The following UNC45B variants were observed in gnomAD, a reference collection of about 807,000 sequenced individuals.
The protein encoded by UNC45B is protein unc-45 homolog B.
Under a neutral mutation model 98.7 loss-of-function variants are expected in UNC45B, and 78 were observed. The observed-to-expected ratio is 0.79, with a 90% confidence interval of 0.66 to 0.95. The LOEUF (loss-of-function observed/expected upper bound fraction) is 0.95. Among genes scored for constraint, UNC45B ranks in the 40% least tolerant of loss-of-function variants. UNC45B has a pLI of 0.00. For missense variants in UNC45B, 1,225 were observed against 1,184.9 expected (o/e 1.03, Z -0.50); for synonymous variants, 462 against 480.4 (o/e 0.96, Z 0.50).
chr17:35,166,137 A>T (rs571117905), intron 9 of UNC45B, among the ~76,000 whole-genome samples: 2 of 147,544 alleles, frequency 1.4e-5, no homozygotes, highest in South Asian at 4.4e-4. Flanking sequence ...GTGTGGTGGC[A>T]CACCCCTGTA....
chr17:35,182,640 G>A (rs1182680270), intron 18 of UNC45B, among the ~76,000 whole-genome samples: 5 of 152,088 alleles, frequency 3.3e-5, no homozygotes, highest in African/African-American at 4.8e-5. Flanking sequence ...CCATGAGAGG[G>A]GGCCATGCTG....
rs2092315936 is a variant in UNC45B, at chr17:35,188,438, T to A, written c.*1879T>A. The A allele has an allele frequency of 6.6e-6, 1 of 151,508 alleles. No homozygotes were observed. The highest frequency in any genetic ancestry group is 1.9e-4 in the East Asian group (1 of 5,162). 9.4% of individuals were successfully genotyped at this position (151,508 alleles called of 1,614,324 possible). On this transcript the variant is annotated 3_prime_UTR_variant, in exon 20 of 20. Transcript: ENST00000394570. ...CCAGTGGCGTTCAGGGCCAGTTAGA[T>A]AAAGTTCATCTTGTTTGGATTGGAG... is the stretch of plus-strand genomic sequence containing the variant.
chr17:35,171,515 A>G, intron 13 of UNC45B, 53 bp downstream of exon 13: 2 of 1,586,010 alleles, frequency 1.3e-6, no homozygotes, highest in Admixed American at 1.8e-5. Context: ...TAGGCCTCCA[A>G]AGGAGGCGGA....
At chr17:35,154,836 G>T in intron 6 of UNC45B, 95 bp downstream of exon 6, 1 of 1,349,690 alleles carries the variant, frequency 7.4e-7, no homozygotes, top group South Asian at 1.7e-5. Context: ...GGCATCAATG[G>T]AACCAGATAA....
chr17:35,153,100 G>A (rs893753644), intron 5 of UNC45B, 118 bp downstream of exon 5: 8 of 821,774 alleles, frequency 9.7e-6, no homozygotes, highest in Non-Finnish European at 1.4e-5. Flanking sequence ...AAGGAAAATT[G>A]GCCAAAGGTT....
chr17:35,163,889 C>A, intron 8 of UNC45B, 106 bp from the exon 9 acceptor site: 1 of 1,276,536 alleles, frequency 7.8e-7, no homozygotes, highest in Non-Finnish European at 1.1e-6. Flanking sequence ...ATGTTTTCTA[C>A]AGACAGGGCT....
chr17:35,170,529 T>TA lies in UNC45B; in HGVS notation c.1689+299dup, dbSNP rs35208483. On this transcript the variant is annotated intron_variant, in intron 12 of 19. Transcript: ENST00000394570. ...GAGGTCTTGAAGGACCTGAGGCAGCTAAAAAAAAAAAAAAAAAAAAAAAAA... is the reference window on the plus strand; with the variant it reads ...GAGGTCTTGAAGGACCTGAGGCAGCTAAAAAAAAAAAAAAAAAAAAAAAAAA... Among the ~76,000 whole-genome samples, 143 of 70,076 alleles carry TA rather than the reference T, an allele frequency of 2.0e-3. 3 individuals are homozygous for TA. Among genetic ancestry groups the TA allele is most frequent in the South Asian group, 0.013 (21 of 1,654 alleles). 46.0% of individuals were successfully genotyped at this position (70,076 alleles called of 152,430 possible).
At chr17:35,159,792 A>G (rs1035505081) in intron 8 of UNC45B, among the ~76,000 whole-genome samples, 1 of 152,230 alleles carries the variant, frequency 6.6e-6, no homozygotes, top group Admixed American at 6.5e-5. Context: ...GGGTGAAGCA[A>G]CCTAGCAAAT....
chr17:35,159,684 C>T, intron 8 of UNC45B, 139 bp downstream of exon 8: 2 of 943,768 alleles, frequency 2.1e-6, no homozygotes, highest in African/African-American at 1.7e-5. Flanking sequence ...ATTGGCCCAT[C>T]AGGATCCACC....
intron 7 of UNC45B, 31 bp downstream of exon 7, chr17:35,155,495 G>A (rs746188173): frequency 6.2e-7 from 1 of 1,608,596 alleles, no homozygotes; most frequent in Non-Finnish European, 8.5e-7. Context: ...TTGATTCAAG[G>A]GGATGGGGAA....
chr17:35,181,919 A>T (rs576186365), intron 18 of UNC45B, among the ~76,000 whole-genome samples: 3 of 151,680 alleles, frequency 2.0e-5, no homozygotes, highest in Admixed American at 1.3e-4. Flanking sequence ...GTCCAAGGAG[A>T]TGGGCGGGGA....
At chr17:35,154,842 G>C in intron 6 of UNC45B, 101 bp downstream of exon 6, 1 of 1,311,688 alleles carries the variant, frequency 7.6e-7, no homozygotes, top group African/African-American at 1.5e-5. Context: ...AATGGAACCA[G>C]ATAAAAAGTC....
In UNC45B at chr17:35,186,295, C is replaced by G. The variant is rs773420957; in HGVS notation, c.2530-4C>G. 1.2e-6 allele frequency: 2 copies of G among 1,613,210 alleles called. No homozygotes were observed. Among genetic ancestry groups the G allele is most frequent in the African/African-American group, 2.7e-5 (2 of 74,888 alleles). ...ACCTTCCTTACCTTTTTCCCTGCCT[C>G]CAGACAACCCAGTGGTTGGAGATCC... On this transcript the variant is annotated splice_region_variant and splice_polypyrimidine_tract_variant and intron_variant, in intron 19 of 19. Transcript: ENST00000394570.
At chr17:35,177,720 A>C in intron 17 of UNC45B, 110 bp downstream of exon 17, 1 of 833,166 alleles carries the variant, frequency 1.2e-6, no homozygotes. Flanking sequence ...ACACAAAGGC[A>C]AGGGGTGGGA....
At chr17:35,152,494 T>A (rs1480865293) in intron 4 of UNC45B, among the ~76,000 whole-genome samples, 1 of 152,198 alleles carries the variant, frequency 6.6e-6, no homozygotes, top group Non-Finnish European at 1.5e-5. Context: ...ACATTTCAAG[T>A]GTGTTAAAAA....
chr17:35,164,165 A>G lies in UNC45B; in HGVS notation c.1150A>G (p.Thr384Ala), dbSNP rs2142554565. ...CCGCAAGATCTGTGAGGAATATATC[A>G]CGTAAGTTTCCTGGAGGCCTCACAG... ...HFRKICEEYI[T>A]GKFDPQDMDK... is the part of the protein sequence containing the mutation. The change falls in exon 9 of 20, where the codon ACG becomes GCG. Residue 384 changes from threonine (T) to alanine (A), a missense_variant and splice_region_variant. By Grantham distance (58) the Thr-to-Ala change is moderately conservative. Transcript: ENST00000394570. 1 of 1,606,664 alleles carries G rather than the reference A, an allele frequency of 6.2e-7. No homozygotes were observed. The highest frequency in any genetic ancestry group is 8.5e-7 in the Non-Finnish European group (1 of 1,176,526).
Position 35,159,507 on chromosome 17 carries a change from T to C in UNC45B, c.941T>C (p.Ile314Thr), listed in dbSNP as rs909895633. 11 of 1,614,102 alleles carry C rather than the reference T, an allele frequency of 6.8e-6. No homozygotes were observed. The highest frequency in any genetic ancestry group is 9.3e-6 in the Non-Finnish European group (11 of 1,180,012). The stretch of plus-strand genomic sequence containing the variant: ...AATGTTCCCAGGAAGGACCTTGCCA[T>C]TCATGACAACTCACGTACCATCTAT... ...NKNVPRKDLA[I>T]HDNSRTIYVV... The change falls in exon 8 of 20, where the codon ATT (isoleucine) becomes ACT (threonine). Residue 314 changes from isoleucine (I) to threonine (T), a missense_variant. Transcript: ENST00000394570.
At position 35,159,510 on chromosome 17, in the gene UNC45B, A is replaced by G. The variant is rs766708189; in HGVS notation, c.944A>G (p.His315Arg). 1.1e-5 allele frequency: 17 copies of G among 1,614,034 alleles called. No individual in the cohort carries two copies. The highest frequency in any genetic ancestry group is 9.3e-5 in the African/African-American group (7 of 74,942). The part of the protein sequence containing the change: ...KNVPRKDLAI[H>R]DNSRTIYVVD... ...GTTCCCAGGAAGGACCTTGCCATTC[A>G]TGACAACTCACGTACCATCTATGTG... Residue 315 changes from histidine (H) to arginine (R), a missense_variant, in exon 8 of 20, where the codon CAT (histidine) becomes CGT (arginine). Coordinates refer to ENST00000394570, the MANE Select transcript of UNC45B (RefSeq NM_001267052.2).
In UNC45B at chr17:35,169,818, T is replaced by G. The variant is rs2092169681; in HGVS notation, c.1453-19T>G. ...TGTCTCTGATCCTGCATGTGTCTGC[T>G]GTCTCCTCTCCTCCTCAGGGACTCT... On this transcript the variant is annotated intron_variant, in intron 10 of 19. Transcript: ENST00000394570. 1 of 1,611,682 alleles carries G rather than the reference T, an allele frequency of 6.2e-7. No homozygotes were observed. The highest frequency in any genetic ancestry group is 8.5e-7 in the Non-Finnish European group (1 of 1,177,982).
Sources: gnomAD v4.1 joint callset for allele counts (sites outside exome capture counted in the v4.1 genomes callset) on GRCh38, gnomAD v4.1.1 for gene constraint, MANE v1.5 for transcripts, NCBI Gene and HGNC (gene_info 2026-07-23, HGNC 2026-07-21) for gene names.